Variants in CACNG2 observed in about 807,000 individuals in gnomAD.
CACNG2 encodes the protein calcium voltage-gated channel auxiliary subunit gamma 2.
A neutral mutation model predicts 25.9 loss-of-function variants in CACNG2; 3 were observed. The ratio of observed to expected loss-of-function variants is 0.12; its 90% CI spans 0.05 to 0.30. The LOEUF (loss-of-function observed/expected upper bound fraction) is 0.30, where lower values mean the gene tolerates loss of function less well. Ranked by LOEUF, CACNG2 falls within the 10% of genes least tolerant of loss-of-function variation. The pLI, the probability that CACNG2 is intolerant of heterozygous loss-of-function variation, is 1.00. For synonymous variants in CACNG2, 167 were observed against 173.3 expected (o/e 0.96, Z 0.29); for missense variants, 341 against 432.5 (o/e 0.79, Z 1.88).
chr22:36,633,968 G>C (rs1355755863), intron 1 of CACNG2, among the ~76,000 whole-genome samples: 1 of 152,182 alleles, frequency 6.6e-6, no homozygotes, highest in African/African-American at 2.4e-5. Flanking sequence ...GCAGCTCAGA[G>C]GCCACCCCAG....
At chr22:36,678,383 T>C (rs2145998872) in intron 1 of CACNG2, among the ~76,000 whole-genome samples, 1 of 152,026 alleles carries the variant, frequency 6.6e-6, no homozygotes, top group East Asian at 1.9e-4. Flanking sequence ...AACCCCAGGG[T>C]GAATCAAAGC....
chr22:36,601,568 A>G (rs1170385317), intron 1 of CACNG2, among the ~76,000 whole-genome samples: 1 of 152,004 alleles, frequency 6.6e-6, no homozygotes, highest in Non-Finnish European at 1.5e-5. Flanking sequence ...CTCTTGGCTC[A>G]CTGCAACCTT....
intron 1 of CACNG2, among the ~76,000 whole-genome samples, chr22:36,603,972 C>T (rs950137520): frequency 1.4e-4 from 21 of 152,082 alleles, no homozygotes; most frequent in African/African-American, 5.1e-4. Flanking sequence ...CTATAGCTGC[C>T]AGAGACAGTG....
In CACNG2 at chr22:36,563,839, C is replaced by T. The variant is rs1413213541; in HGVS notation, c.*512G>A. ...AAGGGAACAGAAAAGTAACTCTCCC[C>T]GAGTTAAAAAAAAAAAAAAAAAGTA... is the stretch of plus-strand genomic sequence containing the variant. On this transcript the variant is annotated 3_prime_UTR_variant, in exon 4 of 4. Coordinates refer to ENST00000300105, the MANE Select transcript of CACNG2 (RefSeq NM_006078.5). 7.3e-6 allele frequency: 1 copy of T among 137,708 alleles called. No individual in the cohort carries two copies. The highest frequency in any genetic ancestry group is 1.6e-5 in the Non-Finnish European group (1 of 63,192). The allele number at this position is 137,708 out of a possible 1,614,324, so 8.5% of individuals were successfully genotyped here.
chr22:36,593,739 G>C (rs1466779493), intron 1 of CACNG2, among the ~76,000 whole-genome samples: 2 of 152,082 alleles, frequency 1.3e-5, no homozygotes, highest in Non-Finnish European at 2.9e-5. Context: ...CTGGGATACA[G>C]GTCACTGTGC....
intron 1 of CACNG2, among the ~76,000 whole-genome samples, chr22:36,641,496 T>C (rs913057473): frequency 3.3e-5 from 5 of 152,158 alleles, no homozygotes; most frequent in Admixed American, 1.3e-4. Context: ...CAAATACCCT[T>C]GGGAGGGGCA....
Position 36,606,055 on chromosome 22 carries a change from A to G in CACNG2, c.212-18507T>C, listed in dbSNP as rs372486402. 2.7e-4 allele frequency among the ~76,000 whole-genome samples: 41 copies of G among 152,086 alleles called. No homozygotes were observed. Among genetic ancestry groups the G allele is most frequent in the Non-Finnish European group, 5.7e-4 (39 of 68,016 alleles). ...TGAGTTCTCTTTCTGCCGTGTATTA[A>G]CCATGTGCTCTCGGACAAGGTGTTC... On this transcript the variant is annotated intron_variant, in intron 1 of 3. Transcript: ENST00000300105. The surrounding 1 kb of genome is among the most constrained non-coding windows in gnomAD (Gnocchi z 5.7).
In CACNG2 at chr22:36,631,615, G is replaced by A. The variant is rs931513336; in HGVS notation, c.212-44067C>T. Among the ~76,000 whole-genome samples the A allele has an allele frequency of 2.6e-5, 4 of 152,198 alleles. No individual in the cohort carries two copies. The East Asian group carries it at 5.8e-4, about 22-fold the overall frequency. On this transcript the variant is annotated intron_variant, in intron 1 of 3. Coordinates refer to ENST00000300105, the MANE Select transcript of CACNG2 (RefSeq NM_006078.5). ...TTGTTTTTATCTAAAAGCATCCAGAGTGACTCTCTCTGGTCCTCTGTGGAT... is the reference window on the plus strand; with the variant it reads ...TTGTTTTTATCTAAAAGCATCCAGAATGACTCTCTCTGGTCCTCTGTGGAT...
intron 2 of CACNG2, among the ~76,000 whole-genome samples, chr22:36,567,902 T>C (rs1431336235): frequency 6.6e-6 from 1 of 151,988 alleles, no homozygotes; most frequent in African/African-American, 2.4e-5. Context: ...CAGGCTGGAG[T>C]GCAGTGGTGC....
At chr22:36,598,236 C>G (rs964396832) in intron 1 of CACNG2, among the ~76,000 whole-genome samples, 3 of 152,176 alleles carry the variant, frequency 2.0e-5, no homozygotes, top group Non-Finnish European at 2.9e-5. Context: ...CTACACATTT[C>G]CATTCACCTA....
At position 36,703,238 on chromosome 22, in the gene CACNG2, A is replaced by AGCAGCGGCGGCG; in HGVS notation, c.-663_-662insCGCCGCCGCTGC. 6.5e-6 allele frequency: 1 copy of AGCAGCGGCGGCG among 154,316 alleles called. No individual in the cohort carries two copies. The highest frequency in any genetic ancestry group is 1.4e-5 in the Non-Finnish European group (1 of 73,442). The allele number at this position is 154,316 out of a possible 1,614,324, so 9.6% of individuals were successfully genotyped here. A position where few individuals can be genotyped will look rare whatever the true frequency, so the allele number is the denominator to read the frequency against. On this transcript the variant is annotated 5_prime_UTR_variant, in exon 1 of 4. Transcript: ENST00000300105. ...TCGCTTTCCATGGTTTTGCCCGGGC[A>AGCAGCGGCGGCG]GCGGCGGCGGCGGCGGCGGCGGCGG...
intron 2 of CACNG2, among the ~76,000 whole-genome samples, chr22:36,579,530 C>A (rs1441331669): frequency 6.6e-6 from 1 of 151,552 alleles, no homozygotes; most frequent in Non-Finnish European, 1.5e-5. Context: ...CTGGAGATAG[C>A]TGTGGTCTCC....
At chr22:36,647,899 G>A (rs992575378) in intron 1 of CACNG2, among the ~76,000 whole-genome samples, 7 of 152,222 alleles carry the variant, frequency 4.6e-5, no homozygotes, top group African/African-American at 9.7e-5. Flanking sequence ...ATGTGCATAC[G>A]TGTGTATATG....
intron 1 of CACNG2, among the ~76,000 whole-genome samples, chr22:36,630,559 G>A (rs1936252151): frequency 6.6e-6 from 1 of 152,072 alleles, no homozygotes; most frequent in Non-Finnish European, 1.5e-5. Flanking sequence ...GTGGCTGGAG[G>A]GGAAGGTAGA....
chr22:36,581,345 A>G, intron 2 of CACNG2, among the ~76,000 whole-genome samples: 1 of 152,176 alleles, frequency 6.6e-6, no homozygotes, highest in Non-Finnish European at 1.5e-5. Context: ...GGGGAGTAAG[A>G]GTGTCCATTC....
chr22:36,624,547 C>G (rs1042607312), intron 1 of CACNG2, among the ~76,000 whole-genome samples: 1 of 152,176 alleles, frequency 6.6e-6, no homozygotes, highest in Non-Finnish European at 1.5e-5. Context: ...TCCCTCCCTG[C>G]ATATCTTTCT....
At chr22:36,633,549 G>A (rs1309501169) in intron 1 of CACNG2, among the ~76,000 whole-genome samples, 1 of 152,170 alleles carries the variant, frequency 6.6e-6, no homozygotes, top group Non-Finnish European at 1.5e-5. Flanking sequence ...CACACTCCTG[G>A]ATGTCCTAGA....
At chr22:36,603,802 C>A (rs751912871) in intron 1 of CACNG2, among the ~76,000 whole-genome samples, 7 of 152,202 alleles carry the variant, frequency 4.6e-5, no homozygotes, top group Non-Finnish European at 7.3e-5. Context: ...TATTACTGCT[C>A]ATTTACCATG....
chr22:36,581,293 T>A (rs1020826200), intron 2 of CACNG2, among the ~76,000 whole-genome samples: 1 of 152,174 alleles, frequency 6.6e-6, no homozygotes, highest in African/African-American at 2.4e-5. Context: ...ATCAGTGTGG[T>A]TCAGGAGAGG....
Sources: allele counts gnomAD v4.1 joint callset (sites outside exome capture counted in the v4.1 genomes callset), GRCh38; gene constraint gnomAD v4.1.1; non-coding constraint Gnocchi (gnomAD v3.1); transcripts MANE v1.5; gene names NCBI Gene and HGNC (gene_info 2026-07-23, HGNC 2026-07-21).